Variants in DRC9 observed in about 807,000 individuals in gnomAD.
The protein encoded by DRC9 is dynein regulatory complex protein 9.
the DRC9 span, chr3:197,954,042 A>G: frequency 1.1e-5 from 18 of 1,613,696 alleles, no homozygotes; most frequent in African/African-American, 2.1e-4. Context: ...ACAAAACCAG[A>G]GTCATCTGGG....
chr3:197,924,308 G>A, the DRC9 span, among the ~76,000 whole-genome samples: 13 of 147,780 alleles, frequency 8.8e-5, no homozygotes, highest in African/African-American at 2.5e-4. Flanking sequence ...TCAGTGAGCC[G>A]AAATTGTGCC....
At chr3:197,938,932 C>T in the DRC9 span, 4 of 629,612 alleles carry the variant, frequency 6.4e-6, no homozygotes, top group East Asian at 1.1e-4. Context: ...CACCAAACCA[C>T]ACGCGCCCTG....
At chr3:197,892,543 G>A in the DRC9 span, 325 of 1,435,622 alleles carry the variant, frequency 2.3e-4, 1 homozygote, top group African/African-American at 9.4e-4. Context: ...CTCAGTGAGT[G>A]CCCTAATTCC....
chr3:197,946,690 T>C, the DRC9 span, among the ~76,000 whole-genome samples: 1 of 152,162 alleles, frequency 6.6e-6, no homozygotes, highest in Admixed American at 6.5e-5. Flanking sequence ...AAATCTTACA[T>C]GCAAAAATTC....
chr3:197,930,610 C>T, the DRC9 span, among the ~76,000 whole-genome samples: 1 of 151,770 alleles, frequency 6.6e-6, no homozygotes, highest in Non-Finnish European at 1.5e-5. Flanking sequence ...CATGGTGGCA[C>T]ACACCTGTGG....
chr3:197,945,098 C>T, the DRC9 span, among the ~76,000 whole-genome samples: 2,930 of 152,208 alleles, frequency 0.019, 57 homozygotes, highest in Non-Finnish European at 0.031. Flanking sequence ...TACACCACAC[C>T]GAGCAGGACT....
the DRC9 span, chr3:197,912,627 C>G: frequency 7.9e-7 from 1 of 1,265,110 alleles, no homozygotes; most frequent in Non-Finnish European, 1.2e-6. Flanking sequence ...TCAGTATAAG[C>G]AGAGTACAAA....
chr3:197,905,461 A>C, the DRC9 span, among the ~76,000 whole-genome samples: 1 of 152,320 alleles, frequency 6.6e-6, no homozygotes, highest in African/African-American at 2.4e-5. Context: ...TTAAAGGAAT[A>C]ACAGGCCGGG....
the DRC9 span, among the ~76,000 whole-genome samples, chr3:197,914,619 G>A: frequency 6.6e-6 from 1 of 152,072 alleles, no homozygotes; most frequent in Admixed American, 6.6e-5. Flanking sequence ...GGAAAATTGT[G>A]GAGATCTAAA....
the DRC9 span, chr3:197,956,653 T>C: frequency 4.0e-5 from 6 of 150,312 alleles, no homozygotes; most frequent in Admixed American, 3.3e-4. Context: ...AGACAAGGTC[T>C]TGTTTTGTTG....
the DRC9 span, chr3:197,889,187 GTT>G: frequency 5.5e-5 from 11 of 199,462 alleles, no homozygotes; most frequent in Non-Finnish European, 9.3e-5. Context: ...GCTCATAAGA[GTT>G]TTTTCACTAC....
At chr3:197,907,489 TGATA>T in the DRC9 span, among the ~76,000 whole-genome samples, 15 of 152,350 alleles carry the variant, frequency 9.8e-5, no homozygotes, top group Non-Finnish European at 1.9e-4. Context: ...AAATGGAGTG[TGATA>T]GCCTACCCTG....
the DRC9 span, among the ~76,000 whole-genome samples, chr3:197,896,790 C>T: frequency 6.6e-6 from 1 of 152,178 alleles, no homozygotes; most frequent in Admixed American, 6.6e-5. Flanking sequence ...GAGTTTCACC[C>T]TCTATCACCT....
chr3:197,924,139 T>A, the DRC9 span, among the ~76,000 whole-genome samples: 4 of 151,656 alleles, frequency 2.6e-5, no homozygotes, highest in Non-Finnish European at 5.9e-5. Flanking sequence ...GCAGATCACC[T>A]GAGGTCAGGA....
At chr3:197,956,584 T>C in the DRC9 span, 5 of 151,488 alleles carry the variant, frequency 3.3e-5, no homozygotes, top group Non-Finnish European at 5.9e-5. Context: ...CTTGGGGATA[T>C]GCTAAAATAA....
chr3:197,913,349 T>TGCGTGCGTGCGTGCGTGC, the DRC9 span: 1 of 187,700 alleles, frequency 5.3e-6, no homozygotes, highest in African/African-American at 3.1e-5. Flanking sequence ...TGCGTGCGTG[T>TGCGTGCGTGCGTGCGTGC]GTGCGTGCGT....
At chr3:197,953,959 A>G in the DRC9 span, 1 of 1,608,914 alleles carries the variant, frequency 6.2e-7, no homozygotes, top group Non-Finnish European at 8.5e-7. Context: ...TTTGTATCCA[A>G]CTATATCAGC....
chr3:197,900,503 T>C, the DRC9 span, among the ~76,000 whole-genome samples: 3 of 138,388 alleles, frequency 2.2e-5, no homozygotes, highest in Non-Finnish European at 3.2e-5. The surrounding 1 kb of genome is among the most constrained non-coding windows in gnomAD (Gnocchi z 4.7). Context: ...GGATAGCAGC[T>C]CAGCCACAGC....
the DRC9 span, chr3:197,943,687 G>A: frequency 2.6e-6 from 3 of 1,132,688 alleles, no homozygotes; most frequent in African/African-American, 1.6e-5. Context: ...GAGAAAGAAA[G>A]AAAAATAAGT....
Sources: gnomAD v4.1 joint callset for allele counts (sites outside exome capture counted in the v4.1 genomes callset) on GRCh38, gnomAD v4.1.1 for gene constraint, Gnocchi (gnomAD v3.1) non-coding constraint, MANE v1.5 for transcripts, NCBI Gene and HGNC (gene_info 2026-07-23, HGNC 2026-07-21) for gene names.